COMMD5: variants seen among roughly 807,000 people sequenced by gnomAD.
COMMD5 encodes the protein COMM domain containing 5.
A neutral mutation model predicts 6.9 loss-of-function variants in COMMD5; 10 were observed. The ratio of observed to expected loss-of-function variants is 1.44; its 90% CI spans 0.89 to 2.45. COMMD5 has a LOEUF of 2.45. COMMD5 is among the 30% of genes most tolerant of loss of function. The pLI, the probability that COMMD5 is intolerant of heterozygous loss-of-function variation, is 0.00. For synonymous variants in COMMD5, 127 were observed against 125.3 expected (o/e 1.01, Z -0.09); for missense variants, 234 against 287.8 (o/e 0.81, Z 1.35).
At chr8:144,840,365 A>G (rs1364926491), downstream of COMMD5, among the ~76,000 whole-genome samples, 8 of 152,252 alleles carry the variant, frequency 5.3e-5, no homozygotes, top group Non-Finnish European at 1.2e-4. Flanking sequence ...ACCAATGGTT[A>G]GGAGTGGGCA....
At chr8:144,843,364 C>T (rs1166750988) in intron 1 of COMMD5, 23 of 586,206 alleles carry the variant, frequency 3.9e-5, no homozygotes, top group Non-Finnish European at 5.3e-5. Flanking sequence ...CCAAGGCGGG[C>T]ACATCACGAG....
downstream of COMMD5, among the ~76,000 whole-genome samples, chr8:144,840,734 A>G (rs918964784): frequency 5.3e-5 from 8 of 152,154 alleles, no homozygotes; most frequent in Non-Finnish European, 1.2e-4. Flanking sequence ...GGCCACGCAC[A>G]GCCCAGGGAG....
At chr8:144,842,921 G>A (rs1199922984) in intron 1 of COMMD5, 2 of 1,614,136 alleles carry the variant, frequency 1.2e-6, no homozygotes, top group Admixed American at 3.3e-5. Flanking sequence ...ATACACACTA[G>A]GGCCCAGTGG....
At chr8:144,848,433 G>A (rs919695386), downstream of COMMD5, among the ~76,000 whole-genome samples, 17 of 151,388 alleles carry the variant, frequency 1.1e-4, no homozygotes, top group African/African-American at 4.1e-4. Flanking sequence ...GGAGGCAGAG[G>A]TTGCAATGAG....
At chr8:144,849,634 G>T (rs1388074166), downstream of COMMD5, among the ~76,000 whole-genome samples, 1 of 152,142 alleles carries the variant, frequency 6.6e-6, no homozygotes, top group Non-Finnish European at 1.5e-5. Context: ...GCTCTGCAGA[G>T]ACCGAGCACC....
downstream of COMMD5, chr8:144,847,577 C>G (rs892293297): frequency 6.6e-6 from 1 of 152,232 alleles, no homozygotes; most frequent in Non-Finnish European, 1.5e-5. Context: ...TTGAAACTAT[C>G]TGGACCTTTC....
At chr8:144,838,995 C>T (rs571986954), downstream of COMMD5, 6 of 149,856 alleles carry the variant, frequency 4.0e-5, no homozygotes, top group African/African-American at 1.2e-4. Flanking sequence ...CATTCATATG[C>T]GCCTAGGGGC....
At chr8:144,846,914 G>A (rs1284111690), downstream of COMMD5, 1 of 152,060 alleles carries the variant, frequency 6.6e-6, no homozygotes, top group African/African-American at 2.4e-5. Flanking sequence ...TTAGCCAGCT[G>A]GTCTCGATCT....
downstream of COMMD5, among the ~76,000 whole-genome samples, chr8:144,839,268 G>A (rs115432671): frequency 3.5e-3 from 531 of 152,356 alleles, 4 homozygotes; most frequent in African/African-American, 0.012. Context: ...GGACAAGGAG[G>A]GTTTCTGAGC....
In COMMD5 at chr8:144,850,707, A is replaced by G; in HGVS notation, c.632T>C (p.Met211Thr). ...CTCACACCTCTTCTCCAGATCTGCC[A>G]TCTCCTTTAGGACCAGGGCCACGCT... ...RYSVALVLKE[M>T]ADLEKRCERR... is the part of the protein sequence containing the mutation. Residue 211 changes from methionine to threonine, a missense_variant, in exon 2 of 2, where the codon ATG becomes ACG. Physicochemically the swap from Met to Thr is moderately conservative, Grantham distance 81. Coordinates refer to ENST00000305103, the MANE Select transcript of COMMD5 (RefSeq NM_014066.4). The surrounding 1 kb of genome is among the most constrained non-coding windows in gnomAD (Gnocchi z 4.0). The G allele has an allele frequency of 6.2e-7, 1 of 1,614,066 alleles. No homozygotes were observed. Among genetic ancestry groups the G allele is most frequent in the Non-Finnish European group, 8.5e-7 (1 of 1,180,042 alleles).
exon 2 of COMMD5, chr8:144,841,232 T>TG (rs1829866245): frequency 4.1e-6 from 4 of 978,114 alleles, no homozygotes; most frequent in African/African-American, 3.2e-5. Flanking sequence ...CGTTTCCACC[T>TG]GGGGCCTCAC....
intron 1 of COMMD5, chr8:144,842,664 T>A: frequency 6.2e-7 from 1 of 1,613,902 alleles, no homozygotes. Context: ...AGAGAATCCA[T>A]AAAGGAGAGA....
At chr8:144,839,286 C>T (rs780021559), downstream of COMMD5, among the ~76,000 whole-genome samples, 37 of 152,246 alleles carry the variant, frequency 2.4e-4, no homozygotes, top group African/African-American at 3.4e-4. Flanking sequence ...AGCCTCTTCA[C>T]GCCCTGTGGG....
intron 1 of COMMD5, chr8:144,842,632 A>C: frequency 6.2e-7 from 1 of 1,614,244 alleles, no homozygotes; most frequent in South Asian, 1.1e-5. Flanking sequence ...CTTCAGTCAG[A>C]GTTCCAGCCT....
chr8:144,843,033 A>AT, intron 1 of COMMD5: 1 of 1,614,204 alleles, frequency 6.2e-7, no homozygotes, highest in Non-Finnish European at 8.5e-7. Context: ...GTGAGAAGAT[A>AT]TTTAGGTGGC....
At chr8:144,841,199 C>T (rs970982798) in exon 2 of COMMD5, 3 of 744,662 alleles carry the variant, frequency 4.0e-6, no homozygotes, top group South Asian at 1.8e-5. Flanking sequence ...TGAGAACTGT[C>T]AAAGGCTCTG....
downstream of COMMD5, among the ~76,000 whole-genome samples, chr8:144,839,856 A>C (rs1420963127): frequency 5.3e-5 from 8 of 152,134 alleles, no homozygotes; most frequent in Admixed American, 2.0e-4. Flanking sequence ...TTTGACCACC[A>C]CCGTGCCCCC....
chr8:144,848,734 T>C (rs748980561), downstream of COMMD5, among the ~76,000 whole-genome samples: 21 of 152,164 alleles, frequency 1.4e-4, no homozygotes, highest in Non-Finnish European at 2.4e-4. Flanking sequence ...ATGTCTGCCC[T>C]GATTAAAACC....
chr8:144,843,224 T>G, intron 1 of COMMD5: 1 of 1,491,816 alleles, frequency 6.7e-7, no homozygotes, highest in Non-Finnish European at 9.0e-7. Context: ...TTAACTTACT[T>G]ATTTTATATG....
Sources: allele counts gnomAD v4.1 joint callset (sites outside exome capture counted in the v4.1 genomes callset), GRCh38; gene constraint gnomAD v4.1.1; non-coding constraint Gnocchi (gnomAD v3.1); transcripts MANE v1.5; gene names NCBI Gene and HGNC (gene_info 2026-07-23, HGNC 2026-07-21).